RPGRIP1L: variants seen among roughly 807,000 people sequenced by gnomAD.
RPGRIP1L encodes the protein RPGRIP1 like.
RPGRIP1L carries 131 observed loss-of-function variants against 160.4 expected under a neutral mutation model. The observed-to-expected ratio is 0.82, with a 90% CI of 0.71 to 0.94. The LOEUF (loss-of-function observed/expected upper bound fraction) is 0.94, where lower values mean the gene tolerates loss of function less well. RPGRIP1L is among the 40% of genes least tolerant of loss of function. The pLI, the probability that RPGRIP1L is intolerant of heterozygous loss-of-function variation, is 0.00. For synonymous variants in RPGRIP1L, 510 were observed against 515.8 expected, an observed-to-expected ratio of 0.99 and a Z score of 0.15; for missense variants, 1,522 against 1,535.8, an observed-to-expected ratio of 0.99 and a Z score of 0.15.
At chr16:53,657,332 GAT>G (rs1200768856) in intron 13 of RPGRIP1L, 119 bp downstream of exon 13, 4 of 665,540 alleles carry the variant, frequency 6.0e-6, no homozygotes, top group Non-Finnish European at 1.0e-5. Context: ...CCAGAGATGT[GAT>G]ATGTTAGTAG....
chr16:53,683,569 C>T (rs539098639), intron 6 of RPGRIP1L, among the ~76,000 whole-genome samples: 42 of 150,558 alleles, frequency 2.8e-4, no homozygotes, highest in South Asian at 1.5e-3. Context: ...GGGGATAATT[C>T]GAAAAATAAA....
chr16:53,634,395 C>A lies in RPGRIP1L; in HGVS notation c.3294+2044G>T, dbSNP rs563092532. Among the ~76,000 whole-genome samples the A allele has an allele frequency of 1.1e-4, 17 of 152,144 alleles. No individual in the cohort carries two copies. In the East Asian group the frequency reaches 3.1e-3, roughly 28 times the overall value. ...TTGTTCCCAGGCTTTCAGATGATAC[C>A]ATTTTACTAAATTTGGTATATAATT... is the stretch of plus-strand genomic sequence containing the variant. On this transcript the variant is annotated intron_variant, in intron 22 of 26. Transcript: ENST00000647211.
chr16:53,702,905 C>T (rs574555239), intron 1 of RPGRIP1L, among the ~76,000 whole-genome samples: 8 of 152,120 alleles, frequency 5.3e-5, no homozygotes, highest in African/African-American at 1.7e-4. Flanking sequence ...CATCTTGAGA[C>T]GGGTATTAGT....
intron 14 of RPGRIP1L, 152 bp from the exon 15 acceptor site, chr16:53,653,139 C>T (rs1966930230): frequency 1.2e-5 from 10 of 864,664 alleles, no homozygotes; most frequent in South Asian, 5.4e-5. Context: ...AATACTTTAT[C>T]GTACAAAAAT....
chr16:53,645,581 T>C lies in RPGRIP1L; in HGVS notation c.2683+44A>G, dbSNP rs781166226. ...TATCCATAACACTAAGGTATAATTT[T>C]GTTTTGTTTTTACAATTTTATAGAT... On this transcript the variant is annotated intron_variant, in intron 17 of 26. Coordinates refer to ENST00000647211, the MANE Select transcript of RPGRIP1L (RefSeq NM_015272.5). The C allele has an allele frequency of 1.9e-6, 3 of 1,573,896 alleles. No individual in the cohort carries two copies. In the Admixed American group the frequency reaches 5.2e-5, roughly 27 times the overall value.
At position 53,617,026 on chromosome 16, in the gene RPGRIP1L, T is replaced by C. The variant is rs527552174; in HGVS notation, c.3616+1999A>G. ...AGTGGAGGTTGCAGTAAGCCAAGATTGTGCCACTGCACTCCAGCCTGGGCA... is the reference window on the plus strand; with the variant it reads ...AGTGGAGGTTGCAGTAAGCCAAGATCGTGCCACTGCACTCCAGCCTGGGCA... On this transcript the variant is annotated intron_variant, in intron 24 of 26. Transcript: ENST00000647211. Among the ~76,000 whole-genome samples, 22 of 135,682 alleles carry C rather than the reference T, an allele frequency of 1.6e-4. 1 individual carries two copies. The highest frequency in any genetic ancestry group is 5.8e-4 in the Admixed American group (7 of 11,972). The allele number at this position is 135,682 out of a possible 152,430, so 89.0% of individuals were successfully genotyped here.
Position 53,688,982 on chromosome 16 carries a change from A to C in RPGRIP1L, c.530-1017T>G, listed in dbSNP as rs1970207536. 1.1e-4 allele frequency among the ~76,000 whole-genome samples: 16 copies of C among 151,780 alleles called. No homozygotes were observed. In the South Asian group the frequency reaches 3.3e-3, roughly 32 times the overall value. Reference sequence around the variant, plus strand: ...CGCTTTTCCTACATATACCATGAAAAAATTCAACATTACTAGTGGAAATAA... The same window carrying C: ...CGCTTTTCCTACATATACCATGAAACAATTCAACATTACTAGTGGAAATAA... On this transcript the variant is annotated intron_variant, in intron 4 of 26. Transcript: ENST00000647211.
chr16:53,611,656 C>T (rs1197237220), intron 24 of RPGRIP1L, among the ~76,000 whole-genome samples: 1 of 152,234 alleles, frequency 6.6e-6, no homozygotes, highest in African/African-American at 2.4e-5. Context: ...TGTGGCCAGA[C>T]TTCACTGGGC....
intron 8 of RPGRIP1L, 57 bp downstream of exon 8, chr16:53,672,813 A>G: frequency 7.9e-6 from 12 of 1,521,208 alleles, no homozygotes; most frequent in Non-Finnish European, 1.0e-5. Flanking sequence ...TTACTTTTTC[A>G]AAACAGTTAC....
At chr16:53,686,625 C>A in intron 5 of RPGRIP1L, 49 bp from the exon 6 acceptor site, 1 of 1,599,688 alleles carries the variant, frequency 6.3e-7, no homozygotes, top group South Asian at 1.1e-5. Flanking sequence ...GAAAATTTTT[C>A]AATAGTTAAG....
intron 13 of RPGRIP1L, among the ~76,000 whole-genome samples, chr16:53,656,800 T>C (rs113740697): frequency 1.3e-5 from 2 of 152,306 alleles, no homozygotes; most frequent in African/African-American, 4.8e-5. Context: ...TTCCCTTTTA[T>C]GGAGATGTGT....
At chr16:53,617,073 CAAAAAAAA>C (rs397945611) in intron 24 of RPGRIP1L, among the ~76,000 whole-genome samples, 9 of 21,848 alleles carry the variant, frequency 4.1e-4, no homozygotes, top group South Asian at 3.0e-3. Flanking sequence ...CCTTGCATCA[CAAAAAAAA>C]AAAAAAAAAA....
At chr16:53,617,020 C>T (rs779836779) in intron 24 of RPGRIP1L, among the ~76,000 whole-genome samples, 1 of 134,708 alleles carries the variant, frequency 7.4e-6, no homozygotes, top group Non-Finnish European at 1.5e-5. Context: ...TGCAGTAAGC[C>T]AAGATTGTGC....
intron 24 of RPGRIP1L, among the ~76,000 whole-genome samples, chr16:53,615,694 A>G (rs558995001): frequency 6.6e-5 from 10 of 151,746 alleles, no homozygotes; most frequent in Admixed American, 1.3e-4. Flanking sequence ...GGCTGGTCTC[A>G]AACTCATGAT....
intron 1 of RPGRIP1L, among the ~76,000 whole-genome samples, chr16:53,702,691 T>TC (rs1175615863): frequency 6.6e-6 from 1 of 151,376 alleles, no homozygotes; most frequent in Non-Finnish European, 1.5e-5. Context: ...TCTTTTCTTT[T>TC]TTTTTTTTTT....
At chr16:53,662,429 A>T (rs1967881823) in intron 10 of RPGRIP1L, among the ~76,000 whole-genome samples, 1 of 152,156 alleles carries the variant, frequency 6.6e-6, no homozygotes, top group Non-Finnish European at 1.5e-5. Flanking sequence ...TTGAATAAAG[A>T]GGTGAGTATT....
At chr16:53,617,423 T>C (rs527262205) in intron 24 of RPGRIP1L, among the ~76,000 whole-genome samples, 3 of 152,306 alleles carry the variant, frequency 2.0e-5, no homozygotes, top group African/African-American at 4.8e-5. Flanking sequence ...TATTTTGATA[T>C]GGTTTTCTTT....
At chr16:53,632,306 C>G (rs1598279803) in intron 22 of RPGRIP1L, among the ~76,000 whole-genome samples, 1 of 152,134 alleles carries the variant, frequency 6.6e-6, no homozygotes, top group South Asian at 2.1e-4. Context: ...TACTTCTAGT[C>G]CTAATTTTGT....
intron 17 of RPGRIP1L, among the ~76,000 whole-genome samples, chr16:53,644,521 C>T (rs1432174514): frequency 1.3e-5 from 2 of 152,098 alleles, no homozygotes; most frequent in African/African-American, 4.8e-5. Context: ...CAAAAGGATC[C>T]ACATTTAGAC....
Sources: gnomAD v4.1 joint callset for allele counts (sites outside exome capture counted in the v4.1 genomes callset) on GRCh38, gnomAD v4.1.1 for gene constraint, MANE v1.5 for transcripts, NCBI Gene and HGNC (gene_info 2026-07-23, HGNC 2026-07-21) for gene names.